The following SRGAP2 variants were observed in gnomAD, a reference collection of about 807,000 sequenced individuals.
SRGAP2 encodes SLIT-ROBO Rho GTPase activating protein 2, also known as SLIT-ROBO Rho GTPase-activating protein 2.
SRGAP2 carries 15 observed loss-of-function variants against 57.2 expected under a neutral mutation model. That is an observed-to-expected ratio of 0.26 (90% CI 0.18 to 0.40). SRGAP2 has a LOEUF of 0.40. SRGAP2 is among the 10% of genes least tolerant of loss of function. SRGAP2 has a pLI of 1.00. For missense variants in SRGAP2, 520 were observed against 669.6 expected, an observed-to-expected ratio of 0.78 and a Z score of 2.47; for synonymous variants, 249 against 248.0, an observed-to-expected ratio of 1.00 and a Z score of -0.04.
intron 19 of SRGAP2, among the ~76,000 whole-genome samples, chr1:206,452,381 G>A (rs1553376264): frequency 6.6e-6 from 1 of 152,078 alleles, no homozygotes; most frequent in African/African-American, 2.4e-5. Flanking sequence ...TAGAGAGACA[G>A]AAAGCTCACA....
rs1169421670 is a variant in SRGAP2 at position 206,329,647 on chromosome 1, A to C, written c.261-13199A>C. ...ATAAGAATGCTTGTGATTTTTGTAC[A>C]TTGATTTTGTATCCTGAGACTTTGC... On this transcript the variant is annotated intron_variant, in intron 3 of 22. Transcript: ENST00000573034. Among the ~76,000 whole-genome samples, 417 of 136,376 alleles carry C rather than the reference A, an allele frequency of 3.1e-3. 1 individual carries two copies. Among genetic ancestry groups the C allele is most frequent in the Non-Finnish European group, 4.1e-3 (260 of 63,344 alleles). The allele number at this position is 136,376 out of a possible 152,430, so 89.5% of individuals were successfully genotyped here.
At chr1:206,324,836 CTG>C (rs1244985683) in intron 3 of SRGAP2, among the ~76,000 whole-genome samples, 1 of 152,060 alleles carries the variant, frequency 6.6e-6, no homozygotes, top group African/African-American at 2.4e-5. Context: ...AAGGAAGACA[CTG>C]GGGTCATTTA....
chr1:206,441,105 T>C (rs1662256803), intron 17 of SRGAP2, among the ~76,000 whole-genome samples: 2 of 152,174 alleles, frequency 1.3e-5, no homozygotes, highest in Non-Finnish European at 2.9e-5. Flanking sequence ...ATTGTTGGCA[T>C]GAGCGACAGG....
intron 22 of SRGAP2, among the ~76,000 whole-genome samples, chr1:206,460,207 T>A (rs976359215): frequency 9.2e-5 from 14 of 152,274 alleles, no homozygotes; most frequent in African/African-American, 2.6e-4. Context: ...TGTGGTAGTT[T>A]GGGGGTGCCA....
At chr1:206,414,566 G>A (rs1157078283) in intron 10 of SRGAP2, among the ~76,000 whole-genome samples, 3 of 152,046 alleles carry the variant, frequency 2.0e-5, no homozygotes, top group African/African-American at 7.2e-5. Context: ...TCAGACTTAG[G>A]CAGATAGCCC....
At chr1:206,232,192 G>A (rs1428947822) in intron 2 of SRGAP2, among the ~76,000 whole-genome samples, 1 of 152,154 alleles carries the variant, frequency 6.6e-6, no homozygotes, top group South Asian at 2.1e-4. Context: ...CGGCCTGGGC[G>A]CTCACAGTAA....
intron 2 of SRGAP2, among the ~76,000 whole-genome samples, chr1:206,273,244 C>G (rs1169616977): frequency 0.017 from 2,628 of 151,064 alleles, 35 homozygotes; most frequent in Non-Finnish European, 0.028. Flanking sequence ...GGAGAATGCT[C>G]TGCATCACTG....
chr1:206,247,092 AGC>A (rs1668542980), intron 2 of SRGAP2, among the ~76,000 whole-genome samples: 1 of 138,754 alleles, frequency 7.2e-6, no homozygotes, highest in Non-Finnish European at 1.6e-5. Context: ...CTGCGCCAGC[AGC>A]ATTTCACTTT....
chr1:206,410,056 G>A (rs1318973155), intron 10 of SRGAP2, among the ~76,000 whole-genome samples: 11 of 152,236 alleles, frequency 7.2e-5, no homozygotes, highest in African/African-American at 1.9e-4. Flanking sequence ...AGCCGAGATC[G>A]TGCCATTGCA....
intron 7 of SRGAP2, among the ~76,000 whole-genome samples, chr1:206,401,212 C>G (rs1658121597): frequency 6.6e-6 from 1 of 152,220 alleles, no homozygotes; most frequent in Non-Finnish European, 1.5e-5. Flanking sequence ...CTAACCGCCT[C>G]ACAGCCCTCT....
intron 2 of SRGAP2, among the ~76,000 whole-genome samples, chr1:206,300,024 C>G (rs1483531117): frequency 6.6e-6 from 1 of 150,824 alleles, no homozygotes; most frequent in Non-Finnish European, 1.5e-5. Flanking sequence ...CTTTTTTTTC[C>G]TGGATCAGGG....
At chr1:206,229,385 A>C (rs1428527910) in intron 2 of SRGAP2, among the ~76,000 whole-genome samples, 1 of 150,964 alleles carries the variant, frequency 6.6e-6, no homozygotes, top group Admixed American at 6.6e-5. Flanking sequence ...CTGAGTACTT[A>C]AATCATTAAC....
At chr1:206,257,003 A>AGTTG (rs1669226698) in intron 2 of SRGAP2, among the ~76,000 whole-genome samples, 1 of 122,376 alleles carries the variant, frequency 8.2e-6, no homozygotes. Flanking sequence ...GATAAACAGG[A>AGTTG]GTTGGTCCTT....
At chr1:206,411,111 T>TGTGATCCGCCCGCCTC (rs1659184047) in intron 10 of SRGAP2, among the ~76,000 whole-genome samples, 1 of 152,154 alleles carries the variant, frequency 6.6e-6, no homozygotes, top group African/African-American at 2.4e-5. Context: ...CCGCCCACCT[T>TGTGATCCGCCCGCCTC]GGCCTCCCAA....
intron 11 of SRGAP2, 60 bp downstream of exon 11, chr1:206,416,033 T>G: frequency 1.4e-6 from 1 of 739,596 alleles, no homozygotes; most frequent in South Asian, 1.5e-5. Flanking sequence ...GCTTTCTTGC[T>G]GAGCACACGC....
At chr1:206,346,052 A>C (rs2102934795) in intron 4 of SRGAP2, among the ~76,000 whole-genome samples, 1 of 152,318 alleles carries the variant, frequency 6.6e-6, no homozygotes, top group East Asian at 1.9e-4. Flanking sequence ...TTTTGTTTAG[A>C]GTGTCGTTGC....
At chr1:206,266,966 CTTT>C (rs1197579154) in intron 2 of SRGAP2, among the ~76,000 whole-genome samples, 31 of 70,068 alleles carry the variant, frequency 4.4e-4, no homozygotes, top group Admixed American at 4.5e-4. Flanking sequence ...GCAAAACTTA[CTTT>C]TTTTTTTTTT....
At chr1:206,276,811 G>A (rs1304321241) in intron 2 of SRGAP2, among the ~76,000 whole-genome samples, 115 of 152,230 alleles carry the variant, frequency 7.6e-4, no homozygotes, top group African/African-American at 2.4e-3. Context: ...TGTTTTTAGG[G>A]TGGTGCCCTT....
At chr1:206,460,878 A>G (rs1307959347) in intron 22 of SRGAP2, among the ~76,000 whole-genome samples, 159 bp from the exon 23 acceptor site, 7 of 151,962 alleles carry the variant, frequency 4.6e-5, no homozygotes, top group Admixed American at 2.0e-4. Flanking sequence ...CCCTTTCCCT[A>G]CTTCCTGAGC....
Sources: allele counts gnomAD v4.1 joint callset (sites outside exome capture counted in the v4.1 genomes callset), GRCh38; gene constraint gnomAD v4.1.1; transcripts MANE v1.5; gene names NCBI Gene and HGNC (gene_info 2026-07-23, HGNC 2026-07-21).